C8orf34: variants seen among roughly 807,000 people sequenced by gnomAD.
The protein encoded by C8orf34 is uncharacterized protein C8orf34.
A neutral mutation model predicts 68.3 loss-of-function variants in C8orf34; 65 were observed. That is an observed-to-expected ratio of 0.95 (90% CI 0.78 to 1.17). C8orf34 has a LOEUF of 1.17. Ranked by LOEUF, C8orf34 falls within the 50% of genes most tolerant of loss-of-function variation. C8orf34 has a pLI of 0.00. For synonymous variants in C8orf34, 244 were observed against 241.2 expected (o/e 1.01, Z -0.11); for missense variants, 664 against 655.4 (o/e 1.01, Z -0.14).
chr8:68,368,633 C>T (rs1161233346), intron 1 of C8orf34, among the ~76,000 whole-genome samples: 1 of 152,070 alleles, frequency 6.6e-6, no homozygotes, highest in East Asian at 1.9e-4. Context: ...GGAAAGTTTT[C>T]TTCTCTCAAT....
chr8:68,419,127 A>G (rs1489060789), intron 1 of C8orf34, among the ~76,000 whole-genome samples: 2 of 152,042 alleles, frequency 1.3e-5, no homozygotes, highest in Non-Finnish European at 2.9e-5. Flanking sequence ...ACTCAAACAA[A>G]TTTACAAGAA....
chr8:68,640,930 C>T (rs1818987936), intron 8 of C8orf34, among the ~76,000 whole-genome samples: 1 of 152,200 alleles, frequency 6.6e-6, no homozygotes, highest in African/African-American at 2.4e-5. Context: ...TGTTCACCTC[C>T]TGGAAAGAAT....
At chr8:68,623,504 A>G (rs1818447539) in intron 7 of C8orf34, among the ~76,000 whole-genome samples, 1 of 152,186 alleles carries the variant, frequency 6.6e-6, no homozygotes, top group African/African-American at 2.4e-5. Flanking sequence ...GTGGTTGACA[A>G]CCACTGCCTT....
intron 5 of C8orf34, among the ~76,000 whole-genome samples, chr8:68,489,127 G>A (rs1308120657): frequency 2.6e-5 from 4 of 152,016 alleles, no homozygotes; most frequent in African/African-American, 9.7e-5. Flanking sequence ...TTAATGTATG[G>A]CTTAATTGAA....
At chr8:68,538,757 A>AT (rs1166454080) in intron 7 of C8orf34, among the ~76,000 whole-genome samples, 2 of 152,126 alleles carry the variant, frequency 1.3e-5, no homozygotes, top group Admixed American at 6.6e-5. Context: ...AAAGCACTAA[A>AT]TTTTTCATTT....
At chr8:68,493,888 G>T (rs1302595157) in intron 5 of C8orf34, among the ~76,000 whole-genome samples, 1 of 152,064 alleles carries the variant, frequency 6.6e-6, no homozygotes, top group Admixed American at 6.5e-5. Context: ...ACCTTGATCT[G>T]GACTTCCCAG....
chr8:68,741,111 A>C (rs1194167229), intron 10 of C8orf34, among the ~76,000 whole-genome samples: 1 of 152,126 alleles, frequency 6.6e-6, no homozygotes, highest in Non-Finnish European at 1.5e-5. Context: ...GGAGAGGATC[A>C]GTAAAAATGG....
intron 1 of C8orf34, among the ~76,000 whole-genome samples, chr8:68,373,451 G>T (rs918490701): frequency 1.3e-5 from 2 of 152,160 alleles, no homozygotes; most frequent in African/African-American, 4.8e-5. Context: ...ATCGGCTACT[G>T]TGGAAATGAT....
intron 8 of C8orf34, among the ~76,000 whole-genome samples, chr8:68,643,231 T>C (rs1170620395): frequency 1.3e-5 from 2 of 152,208 alleles, no homozygotes; most frequent in Non-Finnish European, 2.9e-5. Flanking sequence ...ATCAAAGCTT[T>C]CCATCATTAA....
At chr8:68,352,697 A>G (rs1806562818) in intron 1 of C8orf34, among the ~76,000 whole-genome samples, 1 of 152,108 alleles carries the variant, frequency 6.6e-6, no homozygotes, top group Non-Finnish European at 1.5e-5. Flanking sequence ...TGGGTTCGAA[A>G]TGTGTTAAAA....
intron 8 of C8orf34, among the ~76,000 whole-genome samples, chr8:68,641,626 T>C (rs1311714856): frequency 6.6e-6 from 1 of 152,194 alleles, no homozygotes; most frequent in African/African-American, 2.4e-5. Context: ...TTAAACTTTG[T>C]AGTACAGTTG....
intron 7 of C8orf34, chr8:68,534,018 G>T (rs895309986): frequency 1.0e-6 from 1 of 967,492 alleles, no homozygotes; most frequent in Non-Finnish European, 1.2e-6. Context: ...TATAGAATAT[G>T]GAATCTCAGA....
chr8:68,445,807 T>C (rs1318133560), intron 2 of C8orf34, among the ~76,000 whole-genome samples: 1 of 152,196 alleles, frequency 6.6e-6, no homozygotes, highest in African/African-American at 2.4e-5. Flanking sequence ...TCCTGTTTTT[T>C]CTTTTTGACA....
At chr8:68,574,961 A>G (rs753868638) in intron 7 of C8orf34, among the ~76,000 whole-genome samples, 1 of 151,964 alleles carries the variant, frequency 6.6e-6, no homozygotes, top group Non-Finnish European at 1.5e-5. Context: ...TTTCATATGT[A>G]TAGAAATAAA....
chr8:68,419,719 A>G (rs1352820150), intron 1 of C8orf34, among the ~76,000 whole-genome samples: 2 of 151,400 alleles, frequency 1.3e-5, no homozygotes, highest in Non-Finnish European at 2.9e-5. Flanking sequence ...TCAGTAAACT[A>G]TCGCAAGAAC....
rs188586919 is a variant in C8orf34 at position 68,341,570 on chromosome 8, T to C, written c.327+10231T>C. 4.9e-4 allele frequency among the ~76,000 whole-genome samples: 75 copies of C among 152,218 alleles called. 1 individual carries two copies. In the East Asian group the frequency reaches 5.4e-3, roughly 11 times the overall value. On this transcript the variant is annotated intron_variant, in intron 1 of 13. Coordinates refer to ENST00000518698, the MANE Select transcript of C8orf34 (RefSeq NM_052958.4). ...AATCCCTAGTGTTGAAGGTGGGGCC[T>C]GGTGGGAAGTGTTTGGGTCCTGGTG...
At chr8:68,429,306 T>C (rs988626943) in intron 1 of C8orf34, among the ~76,000 whole-genome samples, 1 of 152,200 alleles carries the variant, frequency 6.6e-6, no homozygotes, top group African/African-American at 2.4e-5. Flanking sequence ...GAAAAGTTGC[T>C]AAATTCCATT....
At chr8:68,610,120 T>A (rs2130555221) in intron 7 of C8orf34, among the ~76,000 whole-genome samples, 1 of 152,306 alleles carries the variant, frequency 6.6e-6, no homozygotes, top group Admixed American at 6.5e-5. Flanking sequence ...CTTATGTAAT[T>A]TTGAGATATA....
chr8:68,408,324 A>G (rs1809290704), intron 1 of C8orf34, among the ~76,000 whole-genome samples: 1 of 151,410 alleles, frequency 6.6e-6, no homozygotes, highest in South Asian at 2.1e-4. Context: ...TGTATTATAT[A>G]TTATAATGTA....
Sources: allele counts gnomAD v4.1 joint callset (sites outside exome capture counted in the v4.1 genomes callset), GRCh38; gene constraint gnomAD v4.1.1; transcripts MANE v1.5; gene names NCBI Gene and HGNC (gene_info 2026-07-23, HGNC 2026-07-21).